CCL16: variants seen among roughly 807,000 people sequenced by gnomAD.
CCL16 encodes C-C motif chemokine 16.
CCL16 carries 6 observed loss-of-function variants against 7.5 expected under a neutral mutation model. The ratio of observed to expected loss-of-function variants is 0.80; its 90% confidence interval spans 0.44 to 1.57. The LOEUF (loss-of-function observed/expected upper bound fraction) is 1.57, where lower values mean the gene tolerates loss of function less well. CCL16 is among the 40% of genes most tolerant of loss of function. The pLI is 0.01. For missense variants in CCL16, 134 were observed against 142.9 expected, an observed-to-expected ratio of 0.94 and a Z score of 0.32; for synonymous variants, 60 against 57.7, an observed-to-expected ratio of 1.04 and a Z score of -0.18.
chr17:35,977,681 C>G lies in CCL16; in HGVS notation c.248G>C (p.Trp83Ser). The change falls in exon 3 of 3, where the codon TGG (tryptophan) becomes TCG (serine). Residue 83 changes from tryptophan to serine, a missense_variant. By Grantham distance (177) the Trp-to-Ser change is radical. Transcript: ENST00000611905. ...GGGATCCTTGATGTACTCTTGGACC[C>G]AGTCGTCATTGGGGTTGGTGCAGAC... Reference protein sequence around the residue: ...REVCTNPNDDWVQEYIKDPNL... With the variant: ...REVCTNPNDDSVQEYIKDPNL... 1 of 1,612,206 alleles carries G rather than the reference C, an allele frequency of 6.2e-7. No homozygotes were observed. Among genetic ancestry groups the G allele is most frequent in the East Asian group, 2.2e-5 (1 of 44,880 alleles).
chr17:35,979,881 G>C (rs1398884481), intron 1 of CCL16, among the ~76,000 whole-genome samples: 2 of 152,140 alleles, frequency 1.3e-5, no homozygotes. Flanking sequence ...CAAACCTTCA[G>C]AGTGCAAATC....
chr17:35,980,781 A>G (rs2089675361), intron 1 of CCL16, among the ~76,000 whole-genome samples: 1 of 152,056 alleles, frequency 6.6e-6, no homozygotes, highest in Non-Finnish European at 1.5e-5. Context: ...TTATTTAGTC[A>G]TAGGCTGGGG....
Position 35,978,272 on chromosome 17 carries a change from A to C in CCL16, c.77-9T>G, listed in dbSNP as rs1287997306. The C allele has an allele frequency of 1.2e-6, 2 of 1,614,098 alleles. No homozygotes were observed. Among genetic ancestry groups the C allele is most frequent in the Non-Finnish European group, 1.7e-6 (2 of 1,180,026 alleles). ...CACCCACTCAGGAACTTCTGAAGGA[A>C]TCACATTGCAAGCTGAGCCAGGGAA... On this transcript the variant is annotated splice_polypyrimidine_tract_variant and intron_variant, in intron 1 of 2. Coordinates refer to ENST00000611905, the MANE Select transcript of CCL16 (RefSeq NM_004590.4).
At position 35,977,450 on chromosome 17, in the gene CCL16, T is replaced by C. The variant is rs1339349967; in HGVS notation, c.*116A>G. On this transcript the variant is annotated 3_prime_UTR_variant, in exon 3 of 3. Transcript: ENST00000611905. Reference sequence around the variant, plus strand: ...TCGAAATACTTCTCCTTTATTTTGATCATTGTTCTGCTTCTCTCAATGTGA... The same window carrying C: ...TCGAAATACTTCTCCTTTATTTTGACCATTGTTCTGCTTCTCTCAATGTGA... 27 of 866,692 alleles carry C rather than the reference T, an allele frequency of 3.1e-5. No homozygotes were observed. The highest frequency in any genetic ancestry group is 4.8e-5 in the Non-Finnish European group (27 of 560,866). 53.7% of individuals were successfully genotyped at this position (866,692 alleles called of 1,614,324 possible). A position where few individuals can be genotyped will look rare whatever the true frequency, so the allele number is the denominator to read the frequency against.
chr17:35,977,487 C>A lies in CCL16; in HGVS notation c.*79G>T. The A allele has an allele frequency of 7.9e-7, 1 of 1,258,314 alleles. No individual in the cohort carries two copies. Among genetic ancestry groups the A allele is most frequent in the Non-Finnish European group, 1.1e-6 (1 of 889,528 alleles). The allele number at this position is 1,258,314 out of a possible 1,614,324, so 77.9% of individuals were successfully genotyped here. ...TTCTCTCAATGTGACTGGCTAGTTT[C>A]AGCCTAATAAGGCTTCCCCTGTTTT... is the stretch of plus-strand genomic sequence containing the variant. On this transcript the variant is annotated 3_prime_UTR_variant, in exon 3 of 3. Coordinates refer to ENST00000611905, the MANE Select transcript of CCL16 (RefSeq NM_004590.4).
Position 35,977,491 on chromosome 17 carries a change from C to G in CCL16, c.*75G>C, listed in dbSNP as rs2089646818. 1 of 1,343,098 alleles carries G rather than the reference C, an allele frequency of 7.4e-7. No homozygotes were observed. The highest frequency in any genetic ancestry group is 1.5e-5 in the African/African-American group (1 of 68,768). The allele number at this position is 1,343,098 out of a possible 1,614,324, so 83.2% of individuals were successfully genotyped here. ...CTCAATGTGACTGGCTAGTTTCAGCCTAATAAGGCTTCCCCTGTTTTCATA... is the reference window on the plus strand; with the variant it reads ...CTCAATGTGACTGGCTAGTTTCAGCGTAATAAGGCTTCCCCTGTTTTCATA... On this transcript the variant is annotated 3_prime_UTR_variant, in exon 3 of 3. Coordinates refer to ENST00000611905, the MANE Select transcript of CCL16 (RefSeq NM_004590.4).
chr17:35,980,674 C>T (rs916034552), intron 1 of CCL16, among the ~76,000 whole-genome samples: 2 of 152,216 alleles, frequency 1.3e-5, no homozygotes, highest in African/African-American at 2.4e-5. Flanking sequence ...GGAGGAGATA[C>T]GGAGGGGCAA....
At position 35,977,669 on chromosome 17, in the gene CCL16, T is replaced by C. The variant is rs745570882; in HGVS notation, c.260A>G (p.Tyr87Cys). ...CAAAGGTAGGTTGGGATCCTTGATG[T>C]ACTCTTGGACCCAGTCGTCATTGGG... The part of the protein sequence containing the change: ...TNPNDDWVQE[Y>C]IKDPNLPLLP... The change falls in exon 3 of 3, where the codon TAC (tyrosine) becomes TGC (cysteine). Residue 87 changes from tyrosine to cysteine, a missense_variant. Tyr to Cys is a radical substitution (Grantham distance 194). Transcript: ENST00000611905. 1.2e-6 allele frequency: 2 copies of C among 1,612,304 alleles called. No homozygotes were observed. The highest frequency in any genetic ancestry group is 2.2e-5 in the South Asian group (2 of 90,980).
In CCL16 at chr17:35,978,187, C is replaced by A. The variant is rs574724630; in HGVS notation, c.153G>T (p.Val51=). The change falls in exon 2 of 3, where the codon GTG becomes GTT. Residue 51 remains valine, a synonymous_variant. Transcript: ENST00000611905. ...YYEKVLPRRL[V]VGYRKALNCH... ...AGTTGAGGGCCTTTCTGTATCCCAC[C>A]ACTAGTCTCCTTGGCAACACTTTCT... 1 of 1,614,214 alleles carries A rather than the reference C, an allele frequency of 6.2e-7. No individual in the cohort carries two copies. The highest frequency in any genetic ancestry group is 2.2e-5 in the East Asian group (1 of 44,884).
rs1196369500 is a variant in CCL16 at position 35,981,382 on chromosome 17, G to A, written c.39C>T (p.Leu13=). Residue 13 remains leucine, a synonymous_variant, in exon 1 of 3, where the codon CTC becomes CTT. Coordinates refer to ENST00000611905, the MANE Select transcript of CCL16 (RefSeq NM_004590.4). ...GAGAAGCCGAAGTAATGATAAGGAT[G>A]AGGACAAGGAGAGACAGGGCAGCCT... The part of the protein sequence containing the change: ...VSEAALSLLV[L]ILIITSASRS... 6.2e-7 allele frequency: 1 copy of A among 1,613,134 alleles called. No individual in the cohort carries two copies. The highest frequency in any genetic ancestry group is 1.7e-5 in the Admixed American group (1 of 59,894).
In CCL16 at chr17:35,977,690, T is replaced by C. The variant is rs768847780; in HGVS notation, c.239A>G (p.Asn80Ser). The C allele has an allele frequency of 2.1e-5, 34 of 1,612,102 alleles. No individual in the cohort carries two copies. In the East Asian group the frequency reaches 4.0e-4, roughly 19 times the overall value. The stretch of plus-strand genomic sequence containing the variant: ...GATGTACTCTTGGACCCAGTCGTCA[T>C]TGGGGTTGGTGCAGACTTCTCGGTT... ...KRNREVCTNP[N>S]DDWVQEYIKD... is the part of the protein sequence containing the mutation. Residue 80 changes from asparagine (N) to serine (S), a missense_variant, in exon 3 of 3, where the codon AAT becomes AGT. By Grantham distance (46) the Asn-to-Ser change is conservative. Coordinates refer to ENST00000611905, the MANE Select transcript of CCL16 (RefSeq NM_004590.4).
chr17:35,980,741 T>C (rs1338827146), intron 1 of CCL16, among the ~76,000 whole-genome samples: 1 of 152,014 alleles, frequency 6.6e-6, no homozygotes, highest in African/African-American at 2.4e-5. Flanking sequence ...CTCCAAAACC[T>C]TTCAACCCCT....
At chr17:35,981,104 T>C (rs2089677671) in intron 1 of CCL16, among the ~76,000 whole-genome samples, 1 of 152,112 alleles carries the variant, frequency 6.6e-6, no homozygotes, top group Non-Finnish European at 1.5e-5. Context: ...CTCACCACGC[T>C]TGGGACTCCT....
chr17:35,981,432 G>T lies in CCL16; in HGVS notation c.-12C>A. 6.2e-7 allele frequency: 1 copy of T among 1,600,556 alleles called. No individual in the cohort carries two copies. Among genetic ancestry groups the T allele is most frequent in the Non-Finnish European group, 8.5e-7 (1 of 1,170,852 alleles). ...TCGGAGACCTTCATCCTCTCAGCGA[G>T]GCAGTACAGCTTCAGGGAGAGCCGA... On this transcript the variant is annotated 5_prime_UTR_variant, in exon 1 of 3. Transcript: ENST00000611905.
Position 35,977,695 on chromosome 17 carries a change from G to T in CCL16, c.234C>A (p.Asn78Lys). 6.2e-7 allele frequency: 1 copy of T among 1,612,274 alleles called. No homozygotes were observed. Among genetic ancestry groups the T allele is most frequent in the Admixed American group, 1.7e-5 (1 of 60,026 alleles). Residue 78 changes from asparagine to lysine, a missense_variant, in exon 3 of 3, where the codon AAC (asparagine) becomes AAA (lysine). Asn to Lys is a moderately conservative substitution (Grantham distance 94). Coordinates refer to ENST00000611905, the MANE Select transcript of CCL16 (RefSeq NM_004590.4). ...ACTCTTGGACCCAGTCGTCATTGGG[G>T]TTGGTGCAGACTTCTCGGTTCCTCT... ...VTKRNREVCT[N>K]PNDDWVQEYI...
In CCL16 at chr17:35,977,655, T is replaced by G. The variant is rs770479253; in HGVS notation, c.274A>C (p.Asn92His). ...DWVQEYIKDPNLPLLPTRNLS... is the reference protein window; with the variant it reads ...DWVQEYIKDPHLPLLPTRNLS... ...TTCCTGGTAGGCAGCAAAGGTAGGT[T>G]GGGATCCTTGATGTACTCTTGGACC... Residue 92 changes from asparagine (N) to histidine (H), a missense_variant, in exon 3 of 3, where the codon AAC becomes CAC. Coordinates refer to ENST00000611905, the MANE Select transcript of CCL16 (RefSeq NM_004590.4). The G allele has an allele frequency of 9.3e-6, 15 of 1,612,256 alleles. No individual in the cohort carries two copies. The Admixed American group carries it at 2.5e-4, about 27-fold the overall frequency.
rs780632362 is a variant in CCL16 at position 35,977,665 on chromosome 17, G to A, written c.264C>T (p.Ile88=). 2 of 1,612,186 alleles carry A rather than the reference G, an allele frequency of 1.2e-6. No individual in the cohort carries two copies. Among genetic ancestry groups the A allele is most frequent in the Non-Finnish European group, 1.7e-6 (2 of 1,179,996 alleles). Residue 88 remains isoleucine (I), a synonymous_variant, in exon 3 of 3, where the codon ATC becomes ATT. Coordinates refer to ENST00000611905, the MANE Select transcript of CCL16 (RefSeq NM_004590.4). ...NPNDDWVQEY[I]KDPNLPLLPT... is the part of the protein sequence containing the mutation. ...GCAGCAAAGGTAGGTTGGGATCCTT[G>A]ATGTACTCTTGGACCCAGTCGTCAT... is the stretch of plus-strand genomic sequence containing the variant.
At chr17:35,981,195 G>A (rs2089678259) in intron 1 of CCL16, 150 bp downstream of exon 1, 1 of 590,692 alleles carries the variant, frequency 1.7e-6, no homozygotes, top group Non-Finnish European at 3.0e-6. Context: ...ACAAAGGGGA[G>A]AATTGGAGGT....
chr17:35,980,882 G>A (rs1321969000), intron 1 of CCL16, among the ~76,000 whole-genome samples: 3 of 152,170 alleles, frequency 2.0e-5, no homozygotes, highest in African/African-American at 7.2e-5. Context: ...TGCCAGCCAT[G>A]TTGAGGAAGG....
Sources: allele counts gnomAD v4.1 joint callset (sites outside exome capture counted in the v4.1 genomes callset), GRCh38; gene constraint gnomAD v4.1.1; transcripts MANE v1.5; gene names NCBI Gene and HGNC (gene_info 2026-07-23, HGNC 2026-07-21).